Variants in UBE2S observed in about 807,000 individuals in gnomAD.
UBE2S encodes ubiquitin conjugating enzyme E2 S, also known as ubiquitin-conjugating enzyme E2 S.
UBE2S carries 3 observed loss-of-function variants against 12.3 expected under a neutral mutation model. The observed-to-expected ratio is 0.24, with a 90% CI of 0.11 to 0.63. The LOEUF is 0.63. Among genes scored for constraint, UBE2S ranks in the 30% least tolerant of loss-of-function variants. The pLI, the probability that UBE2S is intolerant of heterozygous loss-of-function variation, is 0.85. For missense variants in UBE2S, 211 were observed against 313.9 expected (o/e 0.67, Z 2.48); for synonymous variants, 133 against 142.0 (o/e 0.94, Z 0.45).
Position 55,404,015 on chromosome 19 carries a change from T to TA in UBE2S, c.342+272dup, listed in dbSNP as rs1569049303. 47 of 404,772 alleles carry TA rather than the reference T, an allele frequency of 1.2e-4. No homozygotes were observed. The highest frequency in any genetic ancestry group is 1.9e-4 in the South Asian group (8 of 42,846). The allele number at this position is 404,772 out of a possible 1,614,324, so 25.1% of individuals were successfully genotyped here. A position where few individuals can be genotyped will look rare whatever the true frequency, so the allele number is the denominator to read the frequency against. ...CCTGGCCTACCCTATCCTTGTTTTT[T>TA]AAAAAAAAGGGAGAAGAGAAAAACC... On this transcript the variant is annotated intron_variant, in intron 3 of 3. Coordinates refer to ENST00000264552, the MANE Select transcript of UBE2S (RefSeq NM_014501.3). This position sits in a 1 kb window ranked among gnomAD's most constrained non-coding sequence, Gnocchi z 4.4.
chr19:55,407,518 CCT>C, intron 1 of UBE2S, 67 bp downstream of exon 1: 1 of 1,504,642 alleles, frequency 6.6e-7, no homozygotes, highest in Non-Finnish European at 8.9e-7. Flanking sequence ...GTCGGAGGCC[CCT>C]GAGACTCCAC....
intron 1 of UBE2S, 137 bp downstream of exon 1, chr19:55,407,450 C>T (rs2090103919): frequency 2.0e-6 from 2 of 976,696 alleles, no homozygotes; most frequent in Non-Finnish European, 2.9e-6. Flanking sequence ...GGAAGGCCCT[C>T]GGGCCCATCC....
chr19:55,402,927 C>CTT (rs112400318), intron 3 of UBE2S: 74 of 1,147,418 alleles, frequency 6.4e-5, no homozygotes, highest in Admixed American at 1.8e-4. Flanking sequence ...ATTTGGTTAA[C>CTT]TTTTTTTTTT....
At chr19:55,407,050 G>A in intron 1 of UBE2S, 88 bp from the exon 2 acceptor site, 5 of 1,492,692 alleles carry the variant, frequency 3.3e-6, no homozygotes, top group Non-Finnish European at 3.6e-6. Context: ...CCCAAGTCTT[G>A]ACTCAGTGGC....
At chr19:55,402,944 T>C in intron 3 of UBE2S, 1 of 1,522,296 alleles carries the variant, frequency 6.6e-7, no homozygotes, top group Non-Finnish European at 8.8e-7. Context: ...TTTTTTCAGC[T>C]TGCGGGAAGG....
rs564905881 is a variant in UBE2S, at chr19:55,400,325, ATTT to A, written c.*1108_*1110del. ...AGCCATTGCGCCTGGCCTATTTTTA[ATTT>A]TTTTAAAATTAATGAGACATTGGTC... On this transcript the variant is annotated 3_prime_UTR_variant, in exon 4 of 4. Transcript: ENST00000264552. The A allele has an allele frequency of 6.6e-6, 1 of 152,118 alleles. No individual in the cohort carries two copies. The highest frequency in any genetic ancestry group is 1.5e-5 in the Non-Finnish European group (1 of 68,014). 9.4% of individuals were successfully genotyped at this position (152,118 alleles called of 1,614,324 possible).
At chr19:55,406,488 C>CTGA (rs1261159888) in intron 2 of UBE2S, among the ~76,000 whole-genome samples, 7 of 152,294 alleles carry the variant, frequency 4.6e-5, no homozygotes, top group African/African-American at 1.7e-4. Context: ...CAGGCCCTTG[C>CTGA]TGACACCATT....
At chr19:55,402,345 T>C (rs2090066055) in intron 3 of UBE2S, among the ~76,000 whole-genome samples, 1 of 152,240 alleles carries the variant, frequency 6.6e-6, no homozygotes, top group Non-Finnish European at 1.5e-5. Context: ...CTAGCTGGGT[T>C]GGACCACACA....
chr19:55,403,013 A>T (rs1378434929), intron 3 of UBE2S: 22 of 1,524,074 alleles, frequency 1.4e-5, no homozygotes, highest in East Asian at 2.4e-5. Context: ...GGACGCCTCC[A>T]CCTCAGCAAC....
intron 1 of UBE2S, 117 bp downstream of exon 1, chr19:55,407,467 AGGG>A: frequency 8.8e-7 from 1 of 1,132,872 alleles, no homozygotes; most frequent in East Asian, 3.1e-5. Flanking sequence ...ATCCCGGGTC[AGGG>A]ACCCCCAGGC....
Position 55,406,879 on chromosome 19 carries a change from A to C in UBE2S, c.87T>G (p.Asp29Glu). The change falls in exon 2 of 4, where the codon GAT becomes GAG. Residue 29 changes from aspartate (D) to glutamate (E), a missense_variant. Coordinates refer to ENST00000264552, the MANE Select transcript of UBE2S (RefSeq NM_014501.3). ...EVTTLTADPP[D>E]GIKVFPNEED... ...CCTCGTTGGGAAAGACCTTGATGCC[A>C]TCGGGTGGGTCTGCGGTCAGTGTCG... is the stretch of plus-strand genomic sequence containing the variant. The C allele has an allele frequency of 6.2e-7, 1 of 1,614,004 alleles. No homozygotes were observed. The highest frequency in any genetic ancestry group is 8.5e-7 in the Non-Finnish European group (1 of 1,179,948).
Position 55,401,746 on chromosome 19 carries a change from A to G in UBE2S, c.359T>C (p.Leu120Pro). 6.2e-7 allele frequency: 1 copy of G among 1,613,284 alleles called. No homozygotes were observed. The highest frequency in any genetic ancestry group is 8.5e-7 in the Non-Finnish European group (1 of 1,180,030). ...TGCAGACTCGGGGTTAGGGTGGATC[A>G]GCAGGCACTTGATGGTCTGTGGGAA... The part of the protein sequence containing the change: ...RHVLLTIKCL[L>P]IHPNPESALN... Residue 120 changes from leucine (L) to proline (P), a missense_variant, in exon 4 of 4, where the codon CTG becomes CCG. Leu to Pro is a moderately conservative substitution (Grantham distance 98). Around this residue, in one of 2 missense-constraint regions of UBE2S, gnomAD observed 127 missense variants for 224.0 expected, o/e 0.57. Transcript: ENST00000264552.
intron 2 of UBE2S, 126 bp downstream of exon 2, chr19:55,406,689 C>A (rs1318977536): frequency 1.6e-6 from 2 of 1,232,190 alleles, no homozygotes; most frequent in African/African-American, 3.0e-5. Context: ...CCTGCCCTGT[C>A]CACCAATGCA....
In UBE2S at chr19:55,400,999, G is replaced by C. The variant is rs1600316749; in HGVS notation, c.*437C>G. The C allele has an allele frequency of 5.8e-6, 1 of 172,812 alleles. No individual in the cohort carries two copies. The highest frequency in any genetic ancestry group is 1.3e-5 in the Non-Finnish European group (1 of 79,862). 10.7% of individuals were successfully genotyped at this position (172,812 alleles called of 1,614,324 possible). On this transcript the variant is annotated 3_prime_UTR_variant, in exon 4 of 4. Coordinates refer to ENST00000264552, the MANE Select transcript of UBE2S (RefSeq NM_014501.3). ...ACACCAACGTGGCCATTATTCTAGA[G>C]GGAGAAGTATAGGGCAGTGCCGCTC...
Position 55,401,636 on chromosome 19 carries a change from C to T in UBE2S, c.469G>A (p.Gly157Ser), listed in dbSNP as rs753261540. The change falls in exon 4 of 4, where the codon GGC becomes AGC. Residue 157 changes from glycine (G) to serine (S), a missense_variant. Coordinates refer to ENST00000264552, the MANE Select transcript of UBE2S (RefSeq NM_014501.3). ...RARLLTEIHG[G>S]AGGPSGRAEA... The stretch of plus-strand genomic sequence containing the variant: ...GCCCTGCCGCTGGGCCCGCCGGCGC[C>T]CCCGTGGATCTCTGTGAGCAGACGG... The T allele has an allele frequency of 8.6e-5, 139 of 1,606,954 alleles. No homozygotes were observed. Among genetic ancestry groups the T allele is most frequent in the Admixed American group, 1.2e-4 (7 of 58,964 alleles).
intron 2 of UBE2S, among the ~76,000 whole-genome samples, chr19:55,405,381 C>T (rs1351818160): frequency 1.3e-5 from 2 of 151,510 alleles, no homozygotes; most frequent in Non-Finnish European, 2.9e-5. Flanking sequence ...TGGTGGTGCA[C>T]GTCTGTAATC....
chr19:55,407,046 T>C lies in UBE2S; in HGVS notation c.4-84A>G, dbSNP rs534338079. On this transcript the variant is annotated intron_variant, in intron 1 of 3. Coordinates refer to ENST00000264552, the MANE Select transcript of UBE2S (RefSeq NM_014501.3). ...CCTAAAGATGCTGAGACTGCCCAAG[T>C]CTTGACTCAGTGGCCCCAGGCTGTC... 4 of 1,517,396 alleles carry C rather than the reference T, an allele frequency of 2.6e-6. No individual in the cohort carries two copies. In the South Asian group the frequency reaches 3.8e-5, roughly 14 times the overall value. 94.0% of individuals were successfully genotyped at this position (1,517,396 alleles called of 1,614,324 possible).
chr19:55,402,802 G>A, intron 3 of UBE2S: 1 of 668,890 alleles, frequency 1.5e-6, no homozygotes, highest in Non-Finnish European at 2.5e-6. Context: ...GGCGGTACAT[G>A]TGGGAGGGAA....
chr19:55,405,818 T>TG (rs998531280), intron 2 of UBE2S, among the ~76,000 whole-genome samples: 14 of 152,198 alleles, frequency 9.2e-5, no homozygotes, highest in African/African-American at 3.1e-4. Flanking sequence ...CTCACCCACT[T>TG]GCTTGGGTCA....
Sources: gnomAD v4.1 joint callset for allele counts (sites outside exome capture counted in the v4.1 genomes callset) on GRCh38, gnomAD v4.1.1 for gene constraint, gnomAD v4.1.1 regional missense constraint, Gnocchi (gnomAD v3.1) non-coding constraint, MANE v1.5 for transcripts, NCBI Gene and HGNC (gene_info 2026-07-23, HGNC 2026-07-21) for gene names.